Variants in POU2F1 observed in about 807,000 individuals in gnomAD.
POU2F1 encodes POU domain, class 2, transcription factor 1.
In POU2F1, 16 loss-of-function variants were observed where a neutral mutation model predicts 84.9. The ratio of observed to expected loss-of-function variants is 0.19; its 90% confidence interval spans 0.13 to 0.29. The LOEUF (loss-of-function observed/expected upper bound fraction) is 0.29, where lower values mean the gene tolerates loss of function less well. POU2F1 is among the 10% of genes least tolerant of loss of function. The probability of loss-of-function intolerance (pLI) is 1.00; values close to 1 mark genes in which losing one functional copy is unlikely to be tolerated. For missense variants in POU2F1, 738 were observed against 942.6 expected (o/e 0.78, Z 2.84); for synonymous variants, 368 against 368.3 (o/e 1.00, Z 0.01).
intron 1 of POU2F1, among the ~76,000 whole-genome samples, chr1:167,292,204 T>C (rs1255966810): frequency 6.6e-6 from 1 of 152,124 alleles, no homozygotes; most frequent in Non-Finnish European, 1.5e-5. Flanking sequence ...ATATCTATTA[T>C]ATAAGTCAGA....
Position 167,389,551 on chromosome 1 carries a change from C to A in POU2F1, c.814-37C>A, listed in dbSNP as rs182152028. ...TGGAGTAAACCTAAATATCTCTTCA[C>A]GTGTTTTTCCTCATTGTTTTATTCT... On this transcript the variant is annotated intron_variant, in intron 8 of 15. Transcript: ENST00000367866. 126 of 1,610,246 alleles carry A rather than the reference C, an allele frequency of 7.8e-5. No homozygotes were observed. In the African/African-American group the frequency reaches 1.5e-3, roughly 19 times the overall value.
intron 1 of POU2F1, among the ~76,000 whole-genome samples, chr1:167,311,566 A>ATGGAAC (rs1481342148): frequency 6.6e-6 from 1 of 152,188 alleles, no homozygotes; most frequent in Admixed American, 6.5e-5. Context: ...ATAGGTTATA[A>ATGGAAC]TGGAACTGAA....
intron 1 of POU2F1, among the ~76,000 whole-genome samples, chr1:167,273,475 A>G (rs538003623): frequency 2.6e-5 from 4 of 152,118 alleles, no homozygotes; most frequent in Non-Finnish European, 5.9e-5. Context: ...GTTTCCATAC[A>G]TCCTCTGAAA....
At chr1:167,350,963 A>T (rs1338995645) in intron 2 of POU2F1, among the ~76,000 whole-genome samples, 1 of 151,304 alleles carries the variant, frequency 6.6e-6, no homozygotes, top group East Asian at 2.0e-4. Context: ...ATGCCATTGC[A>T]CTCCAGCCTG....
At chr1:167,341,778 G>T (rs1657877412) in intron 2 of POU2F1, among the ~76,000 whole-genome samples, 1 of 152,184 alleles carries the variant, frequency 6.6e-6, no homozygotes, top group African/African-American at 2.4e-5. Context: ...CCAAGTCCTT[G>T]TGCGGCGTCC....
intron 2 of POU2F1, among the ~76,000 whole-genome samples, chr1:167,358,024 G>A (rs557139792): frequency 6.0e-5 from 9 of 151,226 alleles, no homozygotes; most frequent in African/African-American, 1.9e-4. Context: ...GGATGGTCTC[G>A]ATCTCTTGAC....
At chr1:167,398,244 A>C in intron 11 of POU2F1, 111 bp downstream of exon 11, 1 of 1,267,752 alleles carries the variant, frequency 7.9e-7, no homozygotes, top group African/African-American at 1.5e-5. Context: ...CTCTGCTCTT[A>C]TGGATGATTA....
At chr1:167,278,504 T>C (rs1022166548) in intron 1 of POU2F1, among the ~76,000 whole-genome samples, 1 of 152,200 alleles carries the variant, frequency 6.6e-6, no homozygotes, top group African/African-American at 2.4e-5. Flanking sequence ...TGTCCATAAA[T>C]TTTGCTTCAG....
At position 167,389,775 on chromosome 1, in the gene POU2F1, G is replaced by A. The variant is rs1391008903; in HGVS notation, c.987+14G>A. ...GGATTCACTCAGGTAGGGTGAATTG[G>A]CCTTACATTGATTCCCCTCCTTGGC... On this transcript the variant is annotated intron_variant, in intron 9 of 15. Coordinates refer to ENST00000367866, the MANE Select transcript of POU2F1 (RefSeq NM_002697.4). 1 of 1,608,920 alleles carries A rather than the reference G, an allele frequency of 6.2e-7. No individual in the cohort carries two copies. The highest frequency in any genetic ancestry group is 2.2e-5 in the East Asian group (1 of 44,774).
chr1:167,369,821 G>A (rs1659897254), intron 3 of POU2F1, among the ~76,000 whole-genome samples: 1 of 152,112 alleles, frequency 6.6e-6, no homozygotes, highest in Non-Finnish European at 1.5e-5. Context: ...CAATGTGGAA[G>A]GTTAATTAAA....
intron 1 of POU2F1, among the ~76,000 whole-genome samples, chr1:167,264,557 T>A (rs936268889): frequency 6.6e-6 from 1 of 152,130 alleles, no homozygotes; most frequent in African/African-American, 2.4e-5. Context: ...TTTTGAAGAG[T>A]GACACAGTCC....
intron 1 of POU2F1, among the ~76,000 whole-genome samples, chr1:167,309,104 T>G (rs77672623): frequency 4.3e-5 from 6 of 138,030 alleles, no homozygotes; most frequent in Admixed American, 7.1e-5. Context: ...CCACTAGTGG[T>G]TTTTTTTTTT....
chr1:167,329,494 C>T (rs561600157), intron 1 of POU2F1, among the ~76,000 whole-genome samples: 37 of 152,268 alleles, frequency 2.4e-4, no homozygotes, highest in African/African-American at 8.4e-4. Context: ...AGGTCCCTCC[C>T]TGTGACTAGC....
chr1:167,224,684 C>T (rs1414718792), intron 1 of POU2F1, among the ~76,000 whole-genome samples: 1 of 152,084 alleles, frequency 6.6e-6, no homozygotes, highest in African/African-American at 2.4e-5. Context: ...TGCTTTATTT[C>T]TAACCTGAAT....
chr1:167,359,202 A>C (rs1335034943), intron 2 of POU2F1, among the ~76,000 whole-genome samples: 2 of 151,888 alleles, frequency 1.3e-5, no homozygotes, highest in Non-Finnish European at 2.9e-5. Flanking sequence ...AAAAAAAAAA[A>C]ACTATTTTTG....
chr1:167,297,307 A>G lies in POU2F1; in HGVS notation c.62-35163A>G, dbSNP rs1279892033. Among the ~76,000 whole-genome samples the G allele has an allele frequency of 2.6e-5, 4 of 152,348 alleles. No homozygotes were observed. The East Asian group carries it at 5.8e-4, about 22-fold the overall frequency. On this transcript the variant is annotated intron_variant, in intron 1 of 15. Transcript: ENST00000367866. ...TTGCTTTCAGCTTCAGACAATTGGA[A>G]CTGGCTGAAATACAAAGGAGTTTGC...
At chr1:167,272,138 C>T (rs1444902135) in intron 1 of POU2F1, among the ~76,000 whole-genome samples, 3 of 152,122 alleles carry the variant, frequency 2.0e-5, no homozygotes, top group Non-Finnish European at 4.4e-5. Flanking sequence ...AAAAGAATGT[C>T]CGCAGTATGT....
intron 1 of POU2F1, chr1:167,318,940 T>C (rs35408386): frequency 0.11 from 16,324 of 153,720 alleles, 2,165 homozygotes; most frequent in African/African-American, 0.32. Context: ...ATACTCACGG[T>C]ATTGGTGATC....
intron 1 of POU2F1, among the ~76,000 whole-genome samples, chr1:167,273,059 G>C (rs1365432414): frequency 2.0e-5 from 3 of 152,168 alleles, no homozygotes; most frequent in Non-Finnish European, 4.4e-5. Context: ...CCAAAAGACA[G>C]GGGCTACAGG....
Sources: allele counts gnomAD v4.1 joint callset (sites outside exome capture counted in the v4.1 genomes callset), GRCh38; gene constraint gnomAD v4.1.1; transcripts MANE v1.5; gene names NCBI Gene and HGNC (gene_info 2026-07-23, HGNC 2026-07-21).